The following E4F1 variants were observed in gnomAD, a reference collection of about 807,000 sequenced individuals.
E4F1 encodes the protein transcription factor E4F1.
A neutral mutation model predicts 72.9 loss-of-function variants in E4F1; 30 were observed. The ratio of observed to expected loss-of-function variants is 0.41; its 90% CI spans 0.31 to 0.56. The LOEUF (loss-of-function observed/expected upper bound fraction) is 0.56, where lower values mean the gene tolerates loss of function less well. Ranked by LOEUF, E4F1 falls within the 20% of genes least tolerant of loss-of-function variation. The pLI is 0.25. For synonymous variants in E4F1, 542 were observed against 478.2 expected, an observed-to-expected ratio of 1.13 and a Z score of -1.74; for missense variants, 1,091 against 1,117.5, an observed-to-expected ratio of 0.98 and a Z score of 0.34.
At position 2,229,555 on chromosome 16, in the gene E4F1, T is replaced by C. The variant is rs554413751; in HGVS notation, c.310-15T>C. On this transcript the variant is annotated splice_polypyrimidine_tract_variant and intron_variant, in intron 2 of 13. Transcript: ENST00000301727. ...GCATACAGACGACTCCCCTGTTTTC[T>C]TCCCCCTTTGGCAGGTGGTGCCGGC... The C allele has an allele frequency of 5.6e-6, 9 of 1,607,074 alleles. No homozygotes were observed. The Admixed American group carries it at 1.5e-4, about 27-fold the overall frequency.
Position 2,235,112 on chromosome 16 carries a change from C to G in E4F1, c.1967C>G (p.Ala656Gly). The change falls in exon 13 of 14, where the codon GCC becomes GGC. Residue 656 changes from alanine (A) to glycine (G), a missense_variant. Around this residue, in one of 5 missense-constraint regions of E4F1, gnomAD observed 622 missense variants for 628.0 expected, o/e 0.99. Coordinates refer to ENST00000301727, the MANE Select transcript of E4F1 (RefSeq NM_004424.5). Reference sequence around the variant, plus strand: ...GCGGACGATGCGGAGACCAGTGAGGCCACGGAGATCATCGAGGGCACCCAG... The same window carrying G: ...GCGGACGATGCGGAGACCAGTGAGGGCACGGAGATCATCGAGGGCACCCAG... ...ATADDAETSE[A>G]TEIIEGTQTE... 6.2e-7 allele frequency: 1 copy of G among 1,612,398 alleles called. No individual in the cohort carries two copies. The highest frequency in any genetic ancestry group is 8.5e-7 in the Non-Finnish European group (1 of 1,179,928).
chr16:2,234,576 T>G lies in E4F1; in HGVS notation c.1594-7T>G. On this transcript the variant is annotated splice_polypyrimidine_tract_variant and splice_region_variant and intron_variant, in intron 10 of 13. Transcript: ENST00000301727. ...GGCCAGGCTGGCACTGACAGGTGTC[T>G]CCACAGAACGCACAGCAGGTGCACT... is the stretch of plus-strand genomic sequence containing the variant. The G allele has an allele frequency of 6.3e-7, 1 of 1,578,762 alleles. No homozygotes were observed.
chr16:2,227,826 C>T (rs1596756279), intron 1 of E4F1, among the ~76,000 whole-genome samples: 4 of 132,944 alleles, frequency 3.0e-5, no homozygotes, highest in South Asian at 4.9e-4. Flanking sequence ...GTTTTAAAAA[C>T]TTTTTTTTTT....
At chr16:2,232,678 G>A in intron 5 of E4F1, 78 bp from the exon 6 acceptor site, 1 of 1,605,872 alleles carries the variant, frequency 6.2e-7, no homozygotes, top group Non-Finnish European at 8.5e-7. Flanking sequence ...TGAGGCGGGG[G>A]CCCCTGCCTG....
At chr16:2,227,619 G>A (rs1157904877) in intron 1 of E4F1, among the ~76,000 whole-genome samples, 1 of 151,974 alleles carries the variant, frequency 6.6e-6, no homozygotes, top group Non-Finnish European at 1.5e-5. Context: ...TGATCCGCCC[G>A]CTTCAGCCTC....
rs370199008 is a variant in E4F1 at position 2,232,370 on chromosome 16, C to T, written c.609+6C>T. 3 of 1,599,946 alleles carry T rather than the reference C, an allele frequency of 1.9e-6. No homozygotes were observed. Among genetic ancestry groups the T allele is most frequent in the Non-Finnish European group, 2.6e-6 (3 of 1,171,406 alleles). On this transcript the variant is annotated splice_donor_region_variant and intron_variant, in intron 4 of 13. Coordinates refer to ENST00000301727, the MANE Select transcript of E4F1 (RefSeq NM_004424.5). ...GCCACAAGACCTTCAAGACGGTGAGCCGGCGTGCGGGGAGCCAGTGTGTGG... is the reference window on the plus strand; with the variant it reads ...GCCACAAGACCTTCAAGACGGTGAGTCGGCGTGCGGGGAGCCAGTGTGTGG...
In E4F1 at chr16:2,234,315, G is replaced by A. The variant is rs774106146; in HGVS notation, c.1520G>A (p.Arg507His). 4 of 1,613,004 alleles carry A rather than the reference G, an allele frequency of 2.5e-6. 1 individual carries two copies. In the South Asian group the frequency reaches 3.3e-5, roughly 13 times the overall value. Residue 507 changes from arginine (R) to histidine (H), a missense_variant, in exon 10 of 14, where the codon CGT becomes CAT. Arg to His is a conservative substitution (Grantham distance 29, BLOSUM62 0). Coordinates refer to ENST00000301727, the MANE Select transcript of E4F1 (RefSeq NM_004424.5). Reference sequence around the variant, plus strand: ...CTCTACAAGACCATTGCCCATGTGCGTGGCCACCGGCGCGTCCACTCAGAC... The same window carrying A: ...CTCTACAAGACCATTGCCCATGTGCATGGCCACCGGCGCGTCCACTCAGAC... ...GKLYKTIAHV[R>H]GHRRVHSDER...
intron 3 of E4F1, chr16:2,230,100 A>G (rs1385839904): frequency 1.8e-5 from 3 of 169,716 alleles, no homozygotes; most frequent in African/African-American, 2.5e-5. Flanking sequence ...GGTGGACGGG[A>G]CTCTCCCGCC....
intron 9 of E4F1, 89 bp from the exon 10 acceptor site, chr16:2,234,082 C>A (rs1596770229): frequency 6.4e-7 from 1 of 1,551,482 alleles, no homozygotes; most frequent in Non-Finnish European, 8.7e-7. Flanking sequence ...CCATAGACAG[C>A]AGGGAGCCAG....
chr16:2,224,804 G>T (rs1249742286), intron 1 of E4F1, among the ~76,000 whole-genome samples: 1 of 151,680 alleles, frequency 6.6e-6, no homozygotes, highest in Non-Finnish European at 1.5e-5. Context: ...AAATGACCAG[G>T]GTCACCCAGG....
At chr16:2,233,364 G>C in intron 7 of E4F1, 74 bp from the exon 8 acceptor site, 1 of 1,438,660 alleles carries the variant, frequency 7.0e-7, no homozygotes, top group South Asian at 1.4e-5. Flanking sequence ...GGCTCCTGGC[G>C]TGCGTCTGCC....
rs761401348 is a variant in E4F1, at chr16:2,232,595, G to A, written c.730+19G>A. The A allele has an allele frequency of 8.1e-6, 13 of 1,610,820 alleles. No individual in the cohort carries two copies. Among genetic ancestry groups the A allele is most frequent in the African/African-American group, 1.3e-5 (1 of 74,892 alleles). ...CACACGGGTGAGCTGGCCGCACCTC[G>A]GGCTGGAGCCCGGTAGCACCCCGAT... On this transcript the variant is annotated intron_variant, in intron 5 of 13. Coordinates refer to ENST00000301727, the MANE Select transcript of E4F1 (RefSeq NM_004424.5).
At chr16:2,227,295 C>T (rs1267451611) in intron 1 of E4F1, among the ~76,000 whole-genome samples, 3 of 152,128 alleles carry the variant, frequency 2.0e-5, no homozygotes, top group Non-Finnish European at 2.9e-5. Context: ...CTGCAACCTT[C>T]GCCTCCCAGG....
Position 2,233,941 on chromosome 16 carries a change from G to C in E4F1, c.1326G>C (p.Glu442Asp). 1.2e-6 allele frequency: 2 copies of C among 1,602,994 alleles called. No homozygotes were observed. Among genetic ancestry groups the C allele is most frequent in the South Asian group, 2.2e-5 (2 of 89,422 alleles). ...PRTHPCPQCS[E>D]TFPTAATLEA... ...CCCACCCATGTCCTCAGTGCAGTGA[G>C]ACCTTCCCGACAGCAGCCACCCTGG... The change falls in exon 9 of 14, where the codon GAG becomes GAC. Residue 442 changes from glutamate to aspartate, a missense_variant. By Grantham distance (45) the Glu-to-Asp change is conservative. Coordinates refer to ENST00000301727, the MANE Select transcript of E4F1 (RefSeq NM_004424.5).
Position 2,231,994 on chromosome 16 carries a change from G to C in E4F1, c.416-177G>C, listed in dbSNP as rs565876455. Reference sequence around the variant, plus strand: ...GAGGTGTCTCTCCACCTCTCACTCTGACCTGGAGAGGTGAATGGGACCTTG... The same window carrying C: ...GAGGTGTCTCTCCACCTCTCACTCTCACCTGGAGAGGTGAATGGGACCTTG... On this transcript the variant is annotated intron_variant, in intron 3 of 13. Coordinates refer to ENST00000301727, the MANE Select transcript of E4F1 (RefSeq NM_004424.5). 1,980 of 738,198 alleles carry C rather than the reference G, an allele frequency of 2.7e-3. 7 individuals carry two copies. The highest frequency in any genetic ancestry group is 3.9e-3 in the Non-Finnish European group (1,755 of 452,014). The allele number at this position is 738,198 out of a possible 1,614,324, so 45.7% of individuals were successfully genotyped here.
chr16:2,233,809 C>T (rs1771681629), intron 8 of E4F1, 73 bp from the exon 9 acceptor site: 6 of 1,451,598 alleles, frequency 4.1e-6, no homozygotes, highest in Non-Finnish European at 5.6e-6. Flanking sequence ...AGGGTGGGGC[C>T]CATGGTTGTG....
chr16:2,234,110 G>A (rs1324787875), intron 9 of E4F1, 61 bp from the exon 10 acceptor site: 2 of 1,585,048 alleles, frequency 1.3e-6, no homozygotes, highest in East Asian at 4.5e-5. Flanking sequence ...GTGGGCAGGT[G>A]GCAGGCGGCC....
At chr16:2,223,837 G>A (rs776300409) in intron 1 of E4F1, 67 bp downstream of exon 1, 546 of 1,531,172 alleles carry the variant, frequency 3.6e-4, no homozygotes, top group Non-Finnish European at 4.5e-4. Context: ...GCAGAGGCCC[G>A]GATGGCCCGA....
At position 2,228,394 on chromosome 16, in the gene E4F1, CGGCCGCTGCCAGGCA is replaced by C; in HGVS notation, c.182_196del (p.Gly61_Ala65del). The C allele has an allele frequency of 6.2e-7, 1 of 1,613,804 alleles. No individual in the cohort carries two copies. The highest frequency in any genetic ancestry group is 8.5e-7 in the Non-Finnish European group (1 of 1,180,026). On this transcript the variant is annotated inframe_deletion, in exon 2 of 14. Transcript: ENST00000301727. ...CAGATGAGGACGATGTGCACAGATG[CGGCCGCTGCCAGGCA>C]GAGTTCACCGCCTTGGAGGATTTTG...
Sources: gnomAD v4.1 joint callset for allele counts (sites outside exome capture counted in the v4.1 genomes callset) on GRCh38, gnomAD v4.1.1 for gene constraint, gnomAD v4.1.1 regional missense constraint, MANE v1.5 for transcripts, NCBI Gene and HGNC (gene_info 2026-07-23, HGNC 2026-07-21) for gene names.